The following DSG2 variants were observed in gnomAD, a reference collection of about 807,000 sequenced individuals.
DSG2 encodes desmoglein-2.
A neutral mutation model predicts 75.6 loss-of-function variants in DSG2; 45 were observed. That is an observed-to-expected ratio of 0.60 (90% CI 0.47 to 0.76). The LOEUF (loss-of-function observed/expected upper bound fraction) is 0.76, where lower values mean the gene tolerates loss of function less well. Ranked by LOEUF, DSG2 falls within the 30% of genes least tolerant of loss-of-function variation. The pLI is 0.00. For synonymous variants in DSG2, 429 were observed against 483.9 expected (o/e 0.89, Z 1.49); for missense variants, 1,267 against 1,357.4 (o/e 0.93, Z 1.05).
At position 31,530,973 on chromosome 18, in the gene DSG2, G is replaced by GT. The variant is rs770380234; in HGVS notation, c.1015-10dup. ...TTCTCTTTGAAAAGAATTCCCTTTG[G>GT]TTTTCCCTTTCAGGAAGTAGATTAT... On this transcript the variant is annotated splice_polypyrimidine_tract_variant and intron_variant, in intron 8 of 14. Coordinates refer to ENST00000261590, the MANE Select transcript of DSG2 (RefSeq NM_001943.5). The GT allele has an allele frequency of 6.2e-7, 1 of 1,613,432 alleles. No individual in the cohort carries two copies. The highest frequency in any genetic ancestry group is 1.1e-5 in the South Asian group (1 of 91,028).
At position 31,541,225 on chromosome 18, in the gene DSG2, G is replaced by A. The variant is rs201564919; in HGVS notation, c.1912G>A (p.Gly638Arg). The change falls in exon 13 of 15, where the codon GGA becomes AGA. Residue 638 changes from glycine (G) to arginine (R), a missense_variant. Coordinates refer to ENST00000261590, the MANE Select transcript of DSG2 (RefSeq NM_001943.5). ...ACTTTTACTGCTGATGTGCCATTGC[G>A]GAAAGGGCGCCAAAGGCTTTACCCC... is the stretch of plus-strand genomic sequence containing the variant. Reference protein sequence around the residue: ...VPLLLLMCHCGKGAKGFTPIP... With the variant: ...VPLLLLMCHCRKGAKGFTPIP... 255 of 1,614,020 alleles carry A rather than the reference G, an allele frequency of 1.6e-4. 1 individual carries two copies. The highest frequency in any genetic ancestry group is 1.9e-4 in the Non-Finnish European group (223 of 1,180,008).
At chr18:31,500,036 T>TAA (rs10625787) in intron 1 of DSG2, among the ~76,000 whole-genome samples, 2,217 of 110,928 alleles carry the variant, frequency 0.02, 75 homozygotes, top group African/African-American at 0.062. Context: ...AGTTTTTTGG[T>TAA]AAAAAAAAAA....
chr18:31,545,647 T>G (rs1209124924), intron 14 of DSG2, 74 bp from the exon 15 acceptor site: 2 of 1,533,992 alleles, frequency 1.3e-6, no homozygotes, highest in East Asian at 2.3e-5. Flanking sequence ...GAATATAGAG[T>G]CTTGTTTTAA....
intron 1 of DSG2, among the ~76,000 whole-genome samples, chr18:31,511,673 A>G (rs2073067857): frequency 1.3e-5 from 2 of 152,248 alleles, no homozygotes; most frequent in Non-Finnish European, 2.9e-5. Flanking sequence ...CAGATAGCAG[A>G]ACCCTCTTAC....
At chr18:31,523,693 T>C (rs2073143226) in intron 6 of DSG2, among the ~76,000 whole-genome samples, 1 of 152,198 alleles carries the variant, frequency 6.6e-6, no homozygotes. Flanking sequence ...GATTAACCTA[T>C]TTAATCCACA....
At chr18:31,517,912 G>A in intron 1 of DSG2, among the ~76,000 whole-genome samples, 1 of 152,238 alleles carries the variant, frequency 6.6e-6, no homozygotes, top group Admixed American at 6.5e-5. Context: ...AGCAGGTCCT[G>A]GAGAACACAA....
At chr18:31,526,958 A>AT (rs778190310) in intron 8 of DSG2, among the ~76,000 whole-genome samples, 4 of 151,474 alleles carry the variant, frequency 2.6e-5, no homozygotes, top group Admixed American at 1.3e-4. Context: ...AGAAAGTTTC[A>AT]TTTTTTTTTA....
intron 12 of DSG2, among the ~76,000 whole-genome samples, chr18:31,539,565 C>T (rs1335594135): frequency 3.3e-5 from 5 of 152,220 alleles, no homozygotes; most frequent in African/African-American, 7.2e-5. Flanking sequence ...GCCCTACCCA[C>T]GCTCCAAAGA....
chr18:31,528,811 AG>A (rs1309811724), intron 8 of DSG2, among the ~76,000 whole-genome samples: 76 of 152,262 alleles, frequency 5.0e-4, no homozygotes, highest in African/African-American at 1.8e-3. Context: ...TTTCTAGAAA[AG>A]GTGAAACAAT....
At chr18:31,521,977 A>G (rs2144317515) in intron 5 of DSG2, 106 bp from the exon 6 acceptor site, 1 of 1,009,340 alleles carries the variant, frequency 9.9e-7, no homozygotes, top group Admixed American at 2.2e-5. Flanking sequence ...TGATTTTGAT[A>G]AGCACCTGAA....
rs757399157 is a variant in DSG2 at position 31,520,975 on chromosome 18, T to C, written c.378+11T>C. On this transcript the variant is annotated intron_variant, in intron 4 of 14. Transcript: ENST00000261590. ...ACACCATTTTTTCTGGTAAGAAGAA[T>C]AATTTTAGATTTATTAGTTTGTAGT... is the stretch of plus-strand genomic sequence containing the variant. 11 of 1,612,620 alleles carry C rather than the reference T, an allele frequency of 6.8e-6. No individual in the cohort carries two copies. In the East Asian group the frequency reaches 2.5e-4, roughly 36 times the overall value.
Position 31,547,317 on chromosome 18 carries a change from C to T in DSG2, c.*574C>T, listed in dbSNP as rs547959071. 1 of 198,586 alleles carries T rather than the reference C, an allele frequency of 5.0e-6. No individual in the cohort carries two copies. The highest frequency in any genetic ancestry group is 1.0e-4 in the South Asian group (1 of 9,714). 12.3% of individuals were successfully genotyped at this position (198,586 alleles called of 1,614,324 possible). On this transcript the variant is annotated 3_prime_UTR_variant, in exon 15 of 15. Coordinates refer to ENST00000261590, the MANE Select transcript of DSG2 (RefSeq NM_001943.5). Reference sequence around the variant, plus strand: ...TTGGACCATTGATGATAAGAATACACATTGTATGTTTCTGTGCACATGACA... The same window carrying T: ...TTGGACCATTGATGATAAGAATACATATTGTATGTTTCTGTGCACATGACA...
intron 1 of DSG2, among the ~76,000 whole-genome samples, chr18:31,512,742 C>T (rs2073073968): frequency 6.6e-6 from 1 of 152,220 alleles, no homozygotes. Flanking sequence ...CGTCTCTGTG[C>T]AGATGCAGCC....
intron 1 of DSG2, among the ~76,000 whole-genome samples, chr18:31,513,918 A>G (rs1568103009): frequency 1.3e-5 from 2 of 152,206 alleles, no homozygotes; most frequent in Non-Finnish European, 2.9e-5. Context: ...ATCGTGAGAA[A>G]AACAACAGAT....
chr18:31,546,003 CA>C lies in DSG2; in HGVS notation c.2620del (p.Thr874LeufsTer29), dbSNP rs755243947. The C allele has an allele frequency of 2.5e-6, 4 of 1,614,188 alleles. No individual in the cohort carries two copies. Among genetic ancestry groups the C allele is most frequent in the Non-Finnish European group, 2.5e-6 (3 of 1,180,046 alleles). ...CACAGCTTCACATTCACTCTGTGAG[CA>C]AACTATGGTTAATTCAGAGAATACC... Reference protein sequence around the residue: ...MNTASHSLCEQTMVNSENTYS... With the variant: ...MNTASHSLCEXTMVNSENTYS... On this transcript the variant is annotated frameshift_variant, in exon 15 of 15. Coordinates refer to ENST00000261590, the MANE Select transcript of DSG2 (RefSeq NM_001943.5). LOFTEE classifies it low-confidence loss of function (END_TRUNC).
At chr18:31,533,341 T>C (rs1055237264) in intron 9 of DSG2, among the ~76,000 whole-genome samples, 3 of 152,054 alleles carry the variant, frequency 2.0e-5, no homozygotes, top group African/African-American at 4.8e-5. Context: ...CCAGGCATGG[T>C]GGCACATGTT....
In DSG2 at chr18:31,531,034, C is replaced by T. The variant is rs369233023; in HGVS notation, c.1062C>T (p.Val354=). 5 of 1,613,974 alleles carry T rather than the reference C, an allele frequency of 3.1e-6. No homozygotes were observed. Among genetic ancestry groups the T allele is most frequent in the South Asian group, 1.1e-5 (1 of 91,060 alleles). The change falls in exon 9 of 15, where the codon GTC becomes GTT. Residue 354 remains valine, a synonymous_variant. Transcript: ENST00000261590. ...EMKNLDFSVI[V]ANKAAFHKSI... ...AGAATCTTGACTTCAGTGTTATTGT[C>T]GCTAATAAAGCAGCTTTTCACAAGT...
At chr18:31,515,192 T>G (rs1365337723) in intron 1 of DSG2, among the ~76,000 whole-genome samples, 1 of 152,114 alleles carries the variant, frequency 6.6e-6, no homozygotes, top group Non-Finnish European at 1.5e-5. Flanking sequence ...AAACTCTGCC[T>G]CCCGGGTTCA....
chr18:31,525,463 G>A (rs2073157760), intron 8 of DSG2, among the ~76,000 whole-genome samples: 1 of 151,890 alleles, frequency 6.6e-6, no homozygotes, highest in Non-Finnish European at 1.5e-5. Context: ...AGGCTGCAGT[G>A]AGCCGTGGTC....
Sources: gnomAD v4.1 joint callset for allele counts (sites outside exome capture counted in the v4.1 genomes callset) on GRCh38, gnomAD v4.1.1 for gene constraint, MANE v1.5 for transcripts, NCBI Gene and HGNC (gene_info 2026-07-23, HGNC 2026-07-21) for gene names.